UBR4: variants seen among roughly 807,000 people sequenced by gnomAD.
UBR4 encodes ubiquitin protein ligase E3 component n-recognin 4, also known as E3 ubiquitin-protein ligase UBR4.
In UBR4, 124 loss-of-function variants were observed where a neutral mutation model predicts 575.6. The observed-to-expected ratio is 0.22, with a 90% confidence interval of 0.19 to 0.25. The LOEUF is 0.25. Ranked by LOEUF, UBR4 falls within the 10% of genes least tolerant of loss-of-function variation. The pLI, the probability that UBR4 is intolerant of heterozygous loss-of-function variation, is 1.00. For missense variants in UBR4, 4,818 were observed against 6,478.8 expected (o/e 0.74, Z 8.80); for synonymous variants, 2,455 against 2,473.7 (o/e 0.99, Z 0.22).
chr1:19,105,909 G>C, intron 83 of UBR4, 67 bp from the exon 84 acceptor site: 1 of 1,292,332 alleles, frequency 7.7e-7, no homozygotes, highest in Non-Finnish European at 1.0e-6. Flanking sequence ...GCCCCCAGCA[G>C]GGCAGTCAAC....
chr1:19,104,440 T>C, intron 86 of UBR4, 145 bp downstream of exon 86: 1 of 1,145,268 alleles, frequency 8.7e-7, no homozygotes, highest in Non-Finnish European at 1.2e-6. Flanking sequence ...CATAAACGTA[T>C]CAATACAGAA....
Position 19,141,627 on chromosome 1 carries a change from T to G in UBR4, c.8310+20A>C. 1 of 1,613,076 alleles carries G rather than the reference T, an allele frequency of 6.2e-7. No homozygotes were observed. The highest frequency in any genetic ancestry group is 8.5e-7 in the Non-Finnish European group (1 of 1,179,430). ...AGTTGTGAAGCTCCTCCTCCCCTTC[T>G]CCTGCTGCCAGAGACTCACCACCAT... On this transcript the variant is annotated intron_variant, in intron 56 of 105. Coordinates refer to ENST00000375254, the MANE Select transcript of UBR4 (RefSeq NM_020765.3).
chr1:19,132,715 A>C (rs1293389183), intron 60 of UBR4, among the ~76,000 whole-genome samples: 2 of 151,724 alleles, frequency 1.3e-5, no homozygotes, highest in African/African-American at 2.4e-5. Context: ...ATTCTTTCAA[A>C]TAAAGTTGAT....
Position 19,117,898 on chromosome 1 carries a change from G to A in UBR4, c.10554C>T (p.Gly3518=). The change falls in exon 72 of 106, where the codon GGC becomes GGT. Residue 3518 remains glycine (G), a synonymous_variant. Coordinates refer to ENST00000375254, the MANE Select transcript of UBR4 (RefSeq NM_020765.3). This position sits in a 1 kb window ranked among gnomAD's most constrained non-coding sequence, Gnocchi z 4.0. ...PNSNIYNTLS[G]LVEFDGYYLE... is the part of the protein sequence containing the mutation. ...GGTAATAGCCATCAAACTCCACTAA[G>A]CCAGACAAAGTGCTAAGGAAGAAAC... 6.2e-7 allele frequency: 1 copy of A among 1,614,104 alleles called. No individual in the cohort carries two copies. The highest frequency in any genetic ancestry group is 8.5e-7 in the Non-Finnish European group (1 of 1,179,988).
rs1487853013 is a variant in UBR4, at chr1:19,122,797, C to T, written c.9816+36G>A. 6 of 1,612,292 alleles carry T rather than the reference C, an allele frequency of 3.7e-6. No homozygotes were observed. The Admixed American group carries it at 6.7e-5, about 18-fold the overall frequency. On this transcript the variant is annotated intron_variant, in intron 66 of 105. Transcript: ENST00000375254. The stretch of plus-strand genomic sequence containing the variant: ...CTACTTGGCTAAGCCTTATCACATC[C>T]CCCCTCCCTGCCCTACCAGGTCCCA...
chr1:19,198,899 C>G lies in UBR4; in HGVS notation c.408G>C (p.Leu136=). ...TATCTAGTCGGCTACAGCCAGTGCA[C>G]AGGCCCTTGATTAGGAGAATCAAGT... is the stretch of plus-strand genomic sequence containing the variant. ...QKHLILLIKG[L]CTGCSRLDRT... Residue 136 remains leucine (L), a synonymous_variant, in exon 4 of 106, where the codon CTG becomes CTC. Coordinates refer to ENST00000375254, the MANE Select transcript of UBR4 (RefSeq NM_020765.3). 4 of 1,614,174 alleles carry G rather than the reference C, an allele frequency of 2.5e-6. No individual in the cohort carries two copies. The highest frequency in any genetic ancestry group is 2.2e-5 in the South Asian group (2 of 91,074).
rs1367347961 is a variant in UBR4 at position 19,184,184 on chromosome 1, AAC to A, written c.1939-11_1939-10del. ...GAAGCCAGACCTAAGAACTGAAAGG[AAC>A]ACACACAAAAAAGCTCTTATCAGGG... On this transcript the variant is annotated splice_polypyrimidine_tract_variant and intron_variant, in intron 15 of 105. Transcript: ENST00000375254. The A allele has an allele frequency of 3.7e-6, 6 of 1,612,780 alleles. No homozygotes were observed. The highest frequency in any genetic ancestry group is 4.2e-6 in the Non-Finnish European group (5 of 1,179,466).
At chr1:19,198,086 T>C (rs760467617) in intron 5 of UBR4, 37 bp from the exon 6 acceptor site, 2 of 1,593,104 alleles carry the variant, frequency 1.3e-6, no homozygotes, top group Admixed American at 1.7e-5. Flanking sequence ...GATACTATTA[T>C]CTCTTCACCA....
At chr1:19,114,195 T>C (rs1280916242) in intron 75 of UBR4, 125 bp from the exon 76 acceptor site, 1 of 1,232,048 alleles carries the variant, frequency 8.1e-7, no homozygotes, top group Non-Finnish European at 1.1e-6. Context: ...TCATACATTA[T>C]CTCTGTTCTT....
intron 9 of UBR4, 39 bp from the exon 10 acceptor site, chr1:19,192,579 T>C (rs764273830): frequency 6.2e-7 from 1 of 1,607,868 alleles, no homozygotes; most frequent in African/African-American, 1.3e-5. Context: ...CTGAACAAGC[T>C]GACAGATTTC....
At chr1:19,200,801 C>CA (rs1279201699) in intron 2 of UBR4, among the ~76,000 whole-genome samples, 1 of 152,126 alleles carries the variant, frequency 6.6e-6, no homozygotes, top group African/African-American at 2.4e-5. Flanking sequence ...TTGGGCCACA[C>CA]AAAAAATACA....
Position 19,152,264 on chromosome 1 carries a change from T to G in UBR4, c.6996+49A>C, listed in dbSNP as rs764977533. On this transcript the variant is annotated intron_variant, in intron 47 of 105. Transcript: ENST00000375254. This position sits in a 1 kb window ranked among gnomAD's most constrained non-coding sequence, Gnocchi z 4.4. ...GGAGATGTGTTCTCAAACCATATTG[T>G]TTGAGTCCTTCTACCCAGGGATTGA... 7 of 1,606,554 alleles carry G rather than the reference T, an allele frequency of 4.4e-6. No individual in the cohort carries two copies. The South Asian group carries it at 7.7e-5, about 18-fold the overall frequency.
intron 66 of UBR4, among the ~76,000 whole-genome samples, chr1:19,122,362 C>T (rs1303618540): frequency 6.6e-6 from 1 of 152,222 alleles, no homozygotes; most frequent in Non-Finnish European, 1.5e-5. Flanking sequence ...TAAGCAAGAA[C>T]ATGAGCCAGC....
rs116361210 is a variant in UBR4 at position 19,184,399 on chromosome 1, A to G, written c.1939-224T>C. Among the ~76,000 whole-genome samples the G allele has an allele frequency of 2.8e-3, 426 of 152,340 alleles. 2 individuals carry two copies. Among genetic ancestry groups the G allele is most frequent in the Non-Finnish European group, 4.7e-3 (320 of 68,040 alleles). ...ACACAAAATGGCATTCCAGTTTAAT[A>G]TAACAGATGTTACAAAACAGTGTAT... On this transcript the variant is annotated intron_variant, in intron 15 of 105. Transcript: ENST00000375254.
Position 19,141,517 on chromosome 1 carries a change from G to A in UBR4, c.8318C>T (p.Ser2773Leu), listed in dbSNP as rs928084190. The A allele has an allele frequency of 5.6e-6, 9 of 1,606,148 alleles. No individual in the cohort carries two copies. Among genetic ancestry groups the A allele is most frequent in the African/African-American group, 2.7e-5 (2 of 74,916 alleles). Residue 2773 changes from serine (S) to leucine (L), a missense_variant, in exon 57 of 106, where the codon TCG (serine) becomes TTG (leucine). Coordinates refer to ENST00000375254, the MANE Select transcript of UBR4 (RefSeq NM_020765.3). ...ATTTTCAGCTGTCTCCAGGACCATC[G>A]ACTCAGACTGCAGAGAGAAAGCTCT... The part of the protein sequence containing the change: ...DHGDFEMVSE[S>L]MVLETAENVN...
intron 90 of UBR4, among the ~76,000 whole-genome samples, chr1:19,099,003 G>C (rs2078343396): frequency 6.6e-6 from 1 of 152,198 alleles, no homozygotes; most frequent in South Asian, 2.1e-4. Flanking sequence ...GAGTAAGAAA[G>C]GAGGGAAAGG....
At chr1:19,123,144 TA>T in intron 65 of UBR4, 84 bp from the exon 66 acceptor site, 2 of 1,438,760 alleles carry the variant, frequency 1.4e-6, no homozygotes, top group Non-Finnish European at 1.9e-6. Flanking sequence ...TGGGTTTTAA[TA>T]AACTGTTATT....
At chr1:19,115,100 C>G (rs56030256) in intron 74 of UBR4, 151 bp from the exon 75 acceptor site, 126,651 of 1,247,234 alleles carry the variant, frequency 0.1, 7,432 homozygotes, top group Non-Finnish European at 0.12. Flanking sequence ...ACTTAAGCAG[C>G]CAGGTAACAA....
At chr1:19,108,211 C>T (rs1355279893) in intron 81 of UBR4, among the ~76,000 whole-genome samples, 1 of 152,168 alleles carries the variant, frequency 6.6e-6, no homozygotes, top group Non-Finnish European at 1.5e-5. Flanking sequence ...ACTTTTCATA[C>T]TTCATTACAC....
Sources: allele counts gnomAD v4.1 joint callset (sites outside exome capture counted in the v4.1 genomes callset), GRCh38; gene constraint gnomAD v4.1.1; non-coding constraint Gnocchi (gnomAD v3.1); transcripts MANE v1.5; gene names NCBI Gene and HGNC (gene_info 2026-07-23, HGNC 2026-07-21).